The following NRP1 variants were observed in gnomAD, a reference collection of about 807,000 sequenced individuals.
NRP1 encodes neuropilin-1.
A neutral mutation model predicts 106.7 loss-of-function variants in NRP1; 35 were observed. The ratio of observed to expected loss-of-function variants is 0.33; its 90% CI spans 0.25 to 0.43. The LOEUF is 0.43. Ranked by LOEUF, NRP1 falls within the 20% of genes least tolerant of loss-of-function variation. The pLI is 1.00. For synonymous variants in NRP1, 437 were observed against 417.9 expected (o/e 1.05, Z -0.56); for missense variants, 1,024 against 1,170.4 (o/e 0.87, Z 1.83).
chr10:33,257,596 G>A (rs1326430331), intron 4 of NRP1, among the ~76,000 whole-genome samples: 3 of 152,140 alleles, frequency 2.0e-5, no homozygotes, highest in African/African-American at 7.2e-5. Context: ...CTGCACTCCA[G>A]CCTGGATGAC....
chr10:33,249,329 A>G (rs1372717874), intron 6 of NRP1: 4 of 399,258 alleles, frequency 1.0e-5, no homozygotes, highest in African/African-American at 8.3e-5. Flanking sequence ...TACACTGTGT[A>G]CTTAGTTTGC....
intron 6 of NRP1, among the ~76,000 whole-genome samples, chr10:33,253,443 C>A (rs1365314770): frequency 1.3e-5 from 2 of 152,176 alleles, no homozygotes; most frequent in Admixed American, 1.3e-4. Flanking sequence ...ATGTACATTT[C>A]ATGCCTAAAC....
At chr10:33,263,984 A>G (rs1215907637) in intron 3 of NRP1, 111 bp from the exon 4 acceptor site, 5 of 708,944 alleles carry the variant, frequency 7.1e-6, no homozygotes, top group Non-Finnish European at 9.8e-6. Flanking sequence ...CCGCCAGTAT[A>G]ACCACTGTTC....
Position 33,319,002 on chromosome 10 carries a change from C to CTT in NRP1, c.248+11704_248+11705dup, listed in dbSNP as rs36010472. 6.1e-3 allele frequency among the ~76,000 whole-genome samples: 552 copies of CTT among 90,750 alleles called. 6 individuals carry two copies. Among genetic ancestry groups the CTT allele is most frequent in the South Asian group, 0.019 (43 of 2,274 alleles). 59.5% of individuals were successfully genotyped at this position (90,750 alleles called of 152,430 possible). On this transcript the variant is annotated intron_variant, in intron 2 of 16. Transcript: ENST00000374867. The stretch of plus-strand genomic sequence containing the variant: ...GACTTAGAGAACTTTTCTTTTCTTT[C>CTT]TTTTTTTTTTTTTTTTTTTTGAGAC...
intron 2 of NRP1, among the ~76,000 whole-genome samples, chr10:33,285,162 A>G (rs1450516239): frequency 6.6e-6 from 1 of 152,240 alleles, no homozygotes; most frequent in Non-Finnish European, 1.5e-5. Flanking sequence ...AAAGAGCTCA[A>G]CCAAGGCTGA....
chr10:33,216,449 CT>C (rs1213835317), intron 8 of NRP1, among the ~76,000 whole-genome samples: 6 of 149,488 alleles, frequency 4.0e-5, no homozygotes, highest in Admixed American at 3.3e-4. Flanking sequence ...ACACCCCGGC[CT>C]TTTTTTTAAT....
intron 2 of NRP1, among the ~76,000 whole-genome samples, chr10:33,323,902 GC>G (rs1847705046): frequency 6.6e-6 from 1 of 152,182 alleles, no homozygotes; most frequent in South Asian, 2.1e-4. Context: ...GAATGTGCAT[GC>G]CCGCTGAAGG....
intron 2 of NRP1, among the ~76,000 whole-genome samples, chr10:33,311,481 A>G (rs934190014): frequency 2.0e-5 from 3 of 152,212 alleles, no homozygotes; most frequent in African/African-American, 7.2e-5. Context: ...TTTCTAGAGA[A>G]TAAATATCAC....
chr10:33,216,711 G>T (rs1477923597), intron 8 of NRP1, among the ~76,000 whole-genome samples: 1 of 152,094 alleles, frequency 6.6e-6, no homozygotes, highest in African/African-American at 2.4e-5. Flanking sequence ...CAAAGTGCTG[G>T]GGTCACAGGC....
intron 4 of NRP1, among the ~76,000 whole-genome samples, chr10:33,259,210 A>G (rs1031721608): frequency 3.3e-5 from 5 of 152,218 alleles, no homozygotes; most frequent in African/African-American, 1.2e-4. Flanking sequence ...GAGAGTCTCC[A>G]TGACTCACTG....
intron 2 of NRP1, among the ~76,000 whole-genome samples, chr10:33,275,464 A>G (rs960031869): frequency 6.6e-6 from 1 of 152,136 alleles, no homozygotes; most frequent in African/African-American, 2.4e-5. Flanking sequence ...GCTACTCGGG[A>G]GGCTGAGGCA....
In NRP1 at chr10:33,256,843, G is replaced by A. The variant is rs76530665; in HGVS notation, c.659-372C>T. 2.7e-3 allele frequency among the ~76,000 whole-genome samples: 405 copies of A among 152,302 alleles called. 2 individuals are homozygous for A. Among genetic ancestry groups the A allele is most frequent in the African/African-American group, 8.8e-3 (364 of 41,570 alleles). ...CTCAGCGCCAAAAGATTCCTGCTAA[G>A]CTGTGGTCACTGAGGTTTCTGAGTT... On this transcript the variant is annotated intron_variant, in intron 4 of 16. Transcript: ENST00000374867.
Position 33,252,028 on chromosome 10 carries a change from C to T in NRP1, c.981+2000G>A, listed in dbSNP as rs182449726. Reference sequence around the variant, plus strand: ...TTTCCAAGACCACCATGGCCCACCACGCCCCCATCCTGGGCCTTTAATAAC... The same window carrying T: ...TTTCCAAGACCACCATGGCCCACCATGCCCCCATCCTGGGCCTTTAATAAC... On this transcript the variant is annotated intron_variant, in intron 6 of 16. Coordinates refer to ENST00000374867, the MANE Select transcript of NRP1 (RefSeq NM_003873.7). Among the ~76,000 whole-genome samples, 16 of 152,252 alleles carry T rather than the reference C, an allele frequency of 1.1e-4. 1 individual carries two copies. In the Middle Eastern group the frequency reaches 0.014, roughly 129 times the overall value.
chr10:33,317,730 C>T (rs1242296257), intron 2 of NRP1, among the ~76,000 whole-genome samples: 1 of 152,182 alleles, frequency 6.6e-6, no homozygotes, highest in Non-Finnish European at 1.5e-5. Context: ...CTATTATCAT[C>T]AAGTTCGTGA....
intron 6 of NRP1, among the ~76,000 whole-genome samples, chr10:33,232,638 C>CTTTTTTTTTTTTTT (rs71030049): frequency 4.2e-5 from 4 of 94,212 alleles, no homozygotes; most frequent in African/African-American, 9.0e-5. Flanking sequence ...TTTTCTTTTC[C>CTTTTTTTTTTTTTT]TTTTTTTTTT....
In NRP1 at chr10:33,254,174, G is replaced by A; in HGVS notation, c.835C>T (p.Leu279=). ...TGAATTTCTCCTGATTCCATGCCCA[G>A]AGCTTCCATACATTTGAAATCTGAA... ...VSEDFKCMEA[L]GMESGEIHSD... The change falls in exon 6 of 17, where the codon CTG becomes TTG. Residue 279 remains leucine (L), a synonymous_variant. Coordinates refer to ENST00000374867, the MANE Select transcript of NRP1 (RefSeq NM_003873.7). 2 of 1,611,848 alleles carry A rather than the reference G, an allele frequency of 1.2e-6. No homozygotes were observed. The highest frequency in any genetic ancestry group is 1.7e-6 in the Non-Finnish European group (2 of 1,179,514).
At chr10:33,266,986 C>G (rs1564438834) in intron 3 of NRP1, among the ~76,000 whole-genome samples, 1 of 152,154 alleles carries the variant, frequency 6.6e-6, no homozygotes, top group East Asian at 1.9e-4. Context: ...GAGCCAAGAT[C>G]GTGCCACTGC....
rs531300365 is a variant in NRP1 at position 33,258,062 on chromosome 10, C to T, written c.659-1591G>A. On this transcript the variant is annotated intron_variant, in intron 4 of 16. Transcript: ENST00000374867. ...GTGTGTGCAGTTTGGATGCAGGATG[C>T]GGCTGATGAAGGCCAGGAGAGACTT... is the stretch of plus-strand genomic sequence containing the variant. 4.6e-5 allele frequency among the ~76,000 whole-genome samples: 7 copies of T among 152,214 alleles called. No individual in the cohort carries two copies. The East Asian group carries it at 5.8e-4, about 13-fold the overall frequency.
At chr10:33,315,368 G>A (rs895248238) in intron 2 of NRP1, among the ~76,000 whole-genome samples, 1 of 152,216 alleles carries the variant, frequency 6.6e-6, no homozygotes, top group South Asian at 2.1e-4. Flanking sequence ...ATTAAGTTAA[G>A]CCTTTGTCCA....
Sources: gnomAD v4.1 joint callset for allele counts (sites outside exome capture counted in the v4.1 genomes callset) on GRCh38, gnomAD v4.1.1 for gene constraint, MANE v1.5 for transcripts, NCBI Gene and HGNC (gene_info 2026-07-23, HGNC 2026-07-21) for gene names.